CD160: variants seen among roughly 807,000 people sequenced by gnomAD.
CD160 encodes the protein CD160 antigen.
In CD160, 11 loss-of-function variants were observed where a neutral mutation model predicts 19.2. The ratio of observed to expected loss-of-function variants is 0.57; its 90% CI spans 0.36 to 0.95. The LOEUF is 0.95. CD160 is among the 40% of genes least tolerant of loss of function. The pLI is 0.01. For missense variants in CD160, 182 were observed against 213.2 expected (o/e 0.85, Z 0.91); for synonymous variants, 75 against 81.1 (o/e 0.93, Z 0.40).
Position 145,730,853 on chromosome 1 carries a change from C to T in CD160, c.183C>T (p.Cys61=), listed in dbSNP as rs141415339. Residue 61 remains cysteine (C), a synonymous_variant, in exon 4 of 6, where the codon TGC becomes TGT. Coordinates refer to ENST00000369288, the MANE Select transcript of CD160 (RefSeq NM_007053.4). ...CTGAGGGGTTTGTAGTGTTTTTGTG[C>T]AAGGACAGGTCTGGAGACTGTTCTC... The part of the protein sequence containing the change: ...EEAEGFVVFL[C]KDRSGDCSPE... The T allele has an allele frequency of 2.8e-5, 45 of 1,613,992 alleles. No homozygotes were observed. The highest frequency in any genetic ancestry group is 3.7e-5 in the Non-Finnish European group (44 of 1,179,964).
intron 2 of CD160, among the ~76,000 whole-genome samples, chr1:145,725,188 G>C (rs1657008670): frequency 6.6e-6 from 1 of 152,002 alleles, no homozygotes. Flanking sequence ...GGGAGGCCAA[G>C]GTGGGTGGAT....
intron 3 of CD160, among the ~76,000 whole-genome samples, chr1:145,728,795 A>G (rs947535): frequency 0.046 from 6,930 of 152,214 alleles, 554 homozygotes; most frequent in African/African-American, 0.16. Flanking sequence ...AGGAAAGGGT[A>G]AAGAATATAT....
At chr1:145,729,777 T>C (rs587682823) in intron 3 of CD160, among the ~76,000 whole-genome samples, 21 of 152,320 alleles carry the variant, frequency 1.4e-4, no homozygotes, top group Non-Finnish European at 1.5e-5. Context: ...ATAATTAGTC[T>C]GTTTCTCCAG....
chr1:145,728,581 G>A (rs1313309193), intron 3 of CD160, among the ~76,000 whole-genome samples, 181 bp downstream of exon 3: 1 of 142,678 alleles, frequency 7.0e-6, no homozygotes, highest in Non-Finnish European at 1.5e-5. Context: ...TCGGCTCACT[G>A]CAACCTCCGC....
chr1:145,736,389 A>T, intron 5 of CD160: 1 of 940,856 alleles, frequency 1.1e-6, no homozygotes, highest in Non-Finnish European at 1.5e-6. Flanking sequence ...CCTGTGAGAG[A>T]GGCAAGTTAG....
chr1:145,731,315 GAC>G (rs1183109095), intron 4 of CD160, among the ~76,000 whole-genome samples: 3 of 152,148 alleles, frequency 2.0e-5, no homozygotes, highest in African/African-American at 4.8e-5. Context: ...GGGAGATGGT[GAC>G]ACAGGGGTTG....
chr1:145,728,803 T>C (rs1657166254), intron 3 of CD160, among the ~76,000 whole-genome samples: 1 of 152,114 alleles, frequency 6.6e-6, no homozygotes, highest in Non-Finnish European at 1.5e-5. Flanking sequence ...GTAAAGAATA[T>C]ATTGTCTTTT....
chr1:145,720,589 G>T (rs1264571225), intron 1 of CD160, among the ~76,000 whole-genome samples: 2 of 152,142 alleles, frequency 1.3e-5, no homozygotes, highest in African/African-American at 4.8e-5. Context: ...AGTGTCGTGG[G>T]AGATCTGTAT....
intron 4 of CD160, among the ~76,000 whole-genome samples, chr1:145,734,697 T>G (rs1571687357): frequency 6.6e-6 from 1 of 152,244 alleles, no homozygotes; most frequent in East Asian, 1.9e-4. Context: ...TAAGGAAGAA[T>G]GCTTTTCTCA....
intron 4 of CD160, among the ~76,000 whole-genome samples, chr1:145,734,858 GCAC>G (rs1657419034): frequency 6.6e-6 from 1 of 152,216 alleles, no homozygotes; most frequent in Non-Finnish European, 1.5e-5. Flanking sequence ...TGTAATCCCA[GCAC>G]TTCAGGAGGC....
intron 1 of CD160, among the ~76,000 whole-genome samples, chr1:145,722,410 A>G (rs1656887651): frequency 1.3e-5 from 2 of 152,168 alleles, no homozygotes; most frequent in African/African-American, 4.8e-5. Context: ...TCTAGAGACC[A>G]TTTAACCACT....
At chr1:145,728,863 T>A (rs1344766062) in intron 3 of CD160, among the ~76,000 whole-genome samples, 1 of 152,190 alleles carries the variant, frequency 6.6e-6, no homozygotes, top group Non-Finnish European at 1.5e-5. Context: ...ACACTCTGTC[T>A]CTGCTATATG....
At position 145,731,098 on chromosome 1, in the gene CD160, C is replaced by T. The variant is rs587686208; in HGVS notation, c.400+28C>T. 8 of 1,562,112 alleles carry T rather than the reference C, an allele frequency of 5.1e-6. No homozygotes were observed. The South Asian group carries it at 6.8e-5, about 13-fold the overall frequency. The stretch of plus-strand genomic sequence containing the variant: ...GAGTGCTCAAATACTCCTAATGCCA[C>T]CAGGTGGGACAGTGAGCAGGGTTGA... On this transcript the variant is annotated intron_variant, in intron 4 of 5. Transcript: ENST00000369288.
At chr1:145,728,121 A>G (rs587702094) in intron 2 of CD160, 135 bp from the exon 3 acceptor site, 1 of 525,226 alleles carries the variant, frequency 1.9e-6, no homozygotes, top group Non-Finnish European at 3.4e-6. Context: ...CTCACTTCCC[A>G]GCCAGCTGGA....
In CD160 at chr1:145,739,197, T is replaced by C. The variant is rs1346822312; in HGVS notation, c.*704T>C. ...TCTCCTAAATCCACAAACTCTCTTC[T>C]TTCTCTTTGGACAGATGACCTCTTG... On this transcript the variant is annotated 3_prime_UTR_variant, in exon 6 of 6. Coordinates refer to ENST00000369288, the MANE Select transcript of CD160 (RefSeq NM_007053.4). The C allele has an allele frequency of 6.6e-6, 1 of 152,248 alleles. No homozygotes were observed. The highest frequency in any genetic ancestry group is 2.4e-5 in the African/African-American group (1 of 41,454). 9.4% of individuals were successfully genotyped at this position (152,248 alleles called of 1,614,324 possible).
At chr1:145,733,195 G>A (rs1473459083) in intron 4 of CD160, among the ~76,000 whole-genome samples, 9 of 151,966 alleles carry the variant, frequency 5.9e-5, no homozygotes, top group African/African-American at 2.2e-4. Flanking sequence ...GAGCAGTGGC[G>A]TGATCTCTGC....
rs782279825 is a variant in CD160, at chr1:145,730,983, T to C, written c.313T>C (p.Leu105=). Reference sequence around the variant, plus strand: ...GTTCACCATAAGCCAAGTCACACCGTTGCACAGTGGGACCTACCAGTGTTG... The same window carrying C: ...GTTCACCATAAGCCAAGTCACACCGCTGCACAGTGGGACCTACCAGTGTTG... The part of the protein sequence containing the change: ...LMFTISQVTP[L]HSGTYQCCAR... Residue 105 remains leucine, a synonymous_variant, in exon 4 of 6, where the codon TTG becomes CTG. Transcript: ENST00000369288. 1 of 1,614,192 alleles carries C rather than the reference T, an allele frequency of 6.2e-7. No individual in the cohort carries two copies. The highest frequency in any genetic ancestry group is 8.5e-7 in the Non-Finnish European group (1 of 1,180,026).
intron 4 of CD160, among the ~76,000 whole-genome samples, chr1:145,732,834 A>T (rs1322332509): frequency 6.6e-6 from 1 of 152,204 alleles, no homozygotes; most frequent in Non-Finnish European, 1.5e-5. Flanking sequence ...TTGTGGTACA[A>T]TTATTTTTAG....
chr1:145,721,177 A>C (rs1411496826), intron 1 of CD160, among the ~76,000 whole-genome samples: 1 of 152,080 alleles, frequency 6.6e-6, no homozygotes, highest in Non-Finnish European at 1.5e-5. Context: ...CCCAGGACCC[A>C]CCAGGCCCAA....
Sources: allele counts gnomAD v4.1 joint callset (sites outside exome capture counted in the v4.1 genomes callset), GRCh38; gene constraint gnomAD v4.1.1; transcripts MANE v1.5; gene names NCBI Gene and HGNC (gene_info 2026-07-23, HGNC 2026-07-21).